CENPK: variants seen among roughly 807,000 people sequenced by gnomAD.
CENPK encodes the protein centromere protein K, also known as SoxLZ/Sox6-binding protein Solt.
Under a neutral mutation model 40.9 loss-of-function variants are expected in CENPK, and 46 were observed. That is an observed-to-expected ratio of 1.13 (90% CI 0.89 to 1.44). The LOEUF is 1.44. Among genes scored for constraint, CENPK ranks in the 40% most tolerant of loss-of-function variants. The pLI is 0.00. For missense variants in CENPK, 288 were observed against 303.5 expected (o/e 0.95, Z 0.38); for synonymous variants, 107 against 104.4 (o/e 1.02, Z -0.15).
Position 65,563,165 on chromosome 5 carries a change from CTG to C in CENPK, c.-211_-210del. ...GGAAGCGCTTGCCAGCCCCGGACTT[CTG>C]CGCGCGCTGCATGCCCATTGGATGT... On this transcript the variant is annotated 5_prime_UTR_variant, in exon 1 of 11. Coordinates refer to ENST00000396679, the MANE Select transcript of CENPK (RefSeq NM_022145.5). 1 of 1,093,904 alleles carries C rather than the reference CTG, an allele frequency of 9.1e-7. No homozygotes were observed. The highest frequency in any genetic ancestry group is 1.6e-5 in the South Asian group (1 of 61,188). The allele number at this position is 1,093,904 out of a possible 1,614,324, so 67.8% of individuals were successfully genotyped here.
intron 2 of CENPK, among the ~76,000 whole-genome samples, chr5:65,557,936 C>T (rs914475041): frequency 2.0e-5 from 3 of 152,056 alleles, no homozygotes; most frequent in African/African-American, 4.8e-5. Flanking sequence ...GTATATGAAA[C>T]GTTTTCAAGA....
At chr5:65,528,312 C>T (rs999130905) in intron 9 of CENPK, 140 bp downstream of exon 9, 12 of 521,704 alleles carry the variant, frequency 2.3e-5, no homozygotes, top group Non-Finnish European at 2.6e-5. Flanking sequence ...TGCTTCTAGT[C>T]TTTCAATAAG....
downstream of CENPK, among the ~76,000 whole-genome samples, chr5:65,513,212 G>C (rs1561602350): frequency 6.6e-6 from 1 of 152,002 alleles, no homozygotes; most frequent in Non-Finnish European, 1.5e-5. Flanking sequence ...CATGCTTTTG[G>C]TGTTGTAGCT....
In CENPK at chr5:65,552,496, A is replaced by G. The variant is rs755596314; in HGVS notation, c.165T>C (p.Ala55=). The change falls in exon 4 of 11, where the codon GCT becomes GCC. Residue 55 remains alanine (A), a synonymous_variant. Transcript: ENST00000396679. ...TTAGGAAGAAAAAGATTCATACCTG[A>G]GCATTTGAATCGGTGAGTGTTTCAG... ...IGTETLTDSN[A]QLSLLIMQVK... is the part of the protein sequence containing the mutation. 10 of 1,543,002 alleles carry G rather than the reference A, an allele frequency of 6.5e-6. No homozygotes were observed. Among genetic ancestry groups the G allele is most frequent in the Non-Finnish European group, 7.9e-6 (9 of 1,142,314 alleles).
chr5:65,541,461 A>T (rs1192916340), intron 6 of CENPK: 1 of 456,320 alleles, frequency 2.2e-6, no homozygotes, highest in Non-Finnish European at 4.4e-6. Context: ...GTTGCTGGTG[A>T]GAATTCCCCA....
At chr5:65,521,287 C>A (rs1367089880) in intron 10 of CENPK, among the ~76,000 whole-genome samples, 188 bp downstream of exon 10, 1 of 152,014 alleles carries the variant, frequency 6.6e-6, no homozygotes, top group Admixed American at 6.6e-5. Flanking sequence ...AACAATATTC[C>A]TCTCAGTACT....
At chr5:65,502,660 G>C in the CENPK span, among the ~76,000 whole-genome samples, 3 of 152,050 alleles carry the variant, frequency 2.0e-5, no homozygotes, top group Non-Finnish European at 4.4e-5. Context: ...ACCCAGGCTA[G>C]AGGCTAGAGT....
At chr5:65,539,836 A>ATATGAC (rs1747638834) in intron 6 of CENPK, among the ~76,000 whole-genome samples, 1 of 152,188 alleles carries the variant, frequency 6.6e-6, no homozygotes, top group South Asian at 2.1e-4. Flanking sequence ...CCTGGAGGAG[A>ATATGAC]TATGACCCTC....
At chr5:65,552,020 CA>C (rs1398638697) in intron 4 of CENPK, among the ~76,000 whole-genome samples, 2 of 146,194 alleles carry the variant, frequency 1.4e-5, no homozygotes, top group East Asian at 4.0e-4. Flanking sequence ...AGTATAATGG[CA>C]CAATCTCAGC....
chr5:65,554,787 T>C lies in CENPK; in HGVS notation c.111+10A>G, dbSNP rs1750712097. ...TATATTAACTATCACTTCTATCTTT[T>C]GAAACTTACTTCTTCCATATCTTTC... On this transcript the variant is annotated intron_variant, in intron 3 of 10. Transcript: ENST00000396679. The C allele has an allele frequency of 7.4e-7, 1 of 1,351,566 alleles. No homozygotes were observed. The highest frequency in any genetic ancestry group is 1.4e-5 in the African/African-American group (1 of 69,500). The allele number at this position is 1,351,566 out of a possible 1,614,324, so 83.7% of individuals were successfully genotyped here. A position where few individuals can be genotyped will look rare whatever the true frequency, so the allele number is the denominator to read the frequency against.
At chr5:65,528,807 G>C (rs1580927831) in intron 8 of CENPK, 112 bp downstream of exon 8, 1 of 903,832 alleles carries the variant, frequency 1.1e-6, no homozygotes, top group East Asian at 2.7e-5. Flanking sequence ...GTTAACAAAA[G>C]TTAGGGCAAG....
intron 4 of CENPK, 107 bp from the exon 5 acceptor site, chr5:65,551,743 C>T: frequency 1.9e-6 from 1 of 528,018 alleles, no homozygotes; most frequent in Non-Finnish European, 3.3e-6. Flanking sequence ...GGGGTGGCAT[C>T]CCTAACTCTC....
the CENPK span, among the ~76,000 whole-genome samples, chr5:65,508,952 G>A: frequency 1.3e-5 from 2 of 152,064 alleles, no homozygotes; most frequent in African/African-American, 4.8e-5. Context: ...GCTTCAAGAT[G>A]CCATTAAGAA....
chr5:65,556,765 C>T (rs1751043522), intron 2 of CENPK, among the ~76,000 whole-genome samples: 1 of 152,186 alleles, frequency 6.6e-6, no homozygotes, highest in Non-Finnish European at 1.5e-5. Context: ...GTCCTATAAG[C>T]TACATTCATG....
At chr5:65,545,322 GCGCACACACACACACACACACA>G (rs56825398) in intron 5 of CENPK, among the ~76,000 whole-genome samples, 38,895 of 133,096 alleles carry the variant, frequency 0.29, 6,339 homozygotes, top group East Asian at 0.45. Flanking sequence ...TCCTCAAAGC[GCGCACACACACACACACACACA>G]CACACACACA....
intron 9 of CENPK, 24 bp downstream of exon 9, chr5:65,528,428 A>G (rs753169464): frequency 5.7e-6 from 9 of 1,567,784 alleles, no homozygotes; most frequent in Non-Finnish European, 6.9e-6. Context: ...GATAATTTAC[A>G]TAAATGTCTT....
intron 5 of CENPK, among the ~76,000 whole-genome samples, chr5:65,543,632 A>G (rs921602394): frequency 6.6e-6 from 1 of 152,214 alleles, no homozygotes; most frequent in Non-Finnish European, 1.5e-5. Context: ...CAAAATGAAT[A>G]TACCATAATA....
At chr5:65,503,661 C>CTT in the CENPK span, among the ~76,000 whole-genome samples, 4 of 142,906 alleles carry the variant, frequency 2.8e-5, no homozygotes, top group Admixed American at 7.0e-5. Context: ...ACTTGCTAAA[C>CTT]TTTTTTTTTT....
intron 1 of CENPK, among the ~76,000 whole-genome samples, chr5:65,561,790 C>T (rs916254982): frequency 6.6e-6 from 1 of 152,016 alleles, no homozygotes; most frequent in Non-Finnish European, 1.5e-5. Flanking sequence ...TAAAGAAACT[C>T]GTACTATTAA....
Sources: gnomAD v4.1 joint callset for allele counts (sites outside exome capture counted in the v4.1 genomes callset) on GRCh38, gnomAD v4.1.1 for gene constraint, MANE v1.5 for transcripts, NCBI Gene and HGNC (gene_info 2026-07-23, HGNC 2026-07-21) for gene names.